KCNJ6: variants seen among roughly 807,000 people sequenced by gnomAD.
KCNJ6 encodes potassium inwardly rectifying channel subfamily J member 6.
In KCNJ6, 9 loss-of-function variants were observed where a neutral mutation model predicts 34.2. The ratio of observed to expected loss-of-function variants is 0.26; its 90% CI spans 0.16 to 0.46. The LOEUF is 0.46. Ranked by LOEUF, KCNJ6 falls within the 20% of genes least tolerant of loss-of-function variation. The probability of loss-of-function intolerance (pLI) is 1.00; values close to 1 mark genes in which losing one functional copy is unlikely to be tolerated. For missense variants in KCNJ6, 236 were observed against 531.3 expected (o/e 0.44, Z 5.46); for synonymous variants, 196 against 207.1 (o/e 0.95, Z 0.46).
chr21:37,905,071 A>G (rs1230698022), intron 1 of KCNJ6, among the ~76,000 whole-genome samples: 2 of 152,212 alleles, frequency 1.3e-5, no homozygotes, highest in Admixed American at 6.5e-5. Flanking sequence ...TGGCCCATGC[A>G]GTGTGGTGTG....
intron 1 of KCNJ6, among the ~76,000 whole-genome samples, chr21:37,914,932 C>A (rs1422384169): frequency 1.4e-5 from 2 of 146,962 alleles, no homozygotes; most frequent in South Asian, 2.2e-4. Context: ...TTTTTTTTCT[C>A]TTCCTTTTTT....
rs73904424 is a variant in KCNJ6, at chr21:37,736,130, C to G, written c.26-20999G>C. Among the ~76,000 whole-genome samples the G allele has an allele frequency of 1.7e-3, 264 of 152,258 alleles. 1 individual carries two copies. Among genetic ancestry groups the G allele is most frequent in the African/African-American group, 6.0e-3 (250 of 41,544 alleles). On this transcript the variant is annotated intron_variant, in intron 2 of 3. Transcript: ENST00000609713. ...ATGGCTCAAGCACAGGCTTGGAGCC[C>G]CATCTCTGCCATTTTGGTCCCATAA... is the stretch of plus-strand genomic sequence containing the variant.
chr21:37,718,805 TAAAGTA>T (rs1244472253), intron 2 of KCNJ6, among the ~76,000 whole-genome samples: 3 of 151,928 alleles, frequency 2.0e-5, no homozygotes, highest in East Asian at 1.9e-4. Flanking sequence ...CCCTAGAACT[TAAAGTA>T]TAATAATAAA....
chr21:37,777,892 C>T (rs899886958), intron 2 of KCNJ6, among the ~76,000 whole-genome samples: 2 of 152,142 alleles, frequency 1.3e-5, no homozygotes, highest in African/African-American at 4.8e-5. Context: ...GAGCTGGGAA[C>T]ATCACTCTTG....
chr21:37,635,294 C>A (rs936221523), intron 3 of KCNJ6, among the ~76,000 whole-genome samples: 1 of 152,044 alleles, frequency 6.6e-6, no homozygotes, highest in Non-Finnish European at 1.5e-5. Flanking sequence ...TCTGGGCTTA[C>A]TGCAACCTCC....
At chr21:37,654,683 T>G (rs967686383) in intron 3 of KCNJ6, among the ~76,000 whole-genome samples, 1 of 152,162 alleles carries the variant, frequency 6.6e-6, no homozygotes, top group Admixed American at 6.6e-5. Context: ...TCTTGCTACT[T>G]CCATTTCACT....
chr21:37,801,787 C>T (rs1415136900), intron 2 of KCNJ6, among the ~76,000 whole-genome samples: 1 of 152,068 alleles, frequency 6.6e-6, no homozygotes, highest in African/African-American at 2.4e-5. Context: ...TTTCCCGACT[C>T]AGAGGACTGT....
At chr21:37,901,405 A>AT (rs5843878) in intron 1 of KCNJ6, among the ~76,000 whole-genome samples, 152,290 of 152,290 alleles carry the variant, frequency 1, 76,145 homozygotes, top group Non-Finnish European at 1. Context: ...GAAAAGTGCC[A>AT]GTGTATGGAA....
intron 3 of KCNJ6, among the ~76,000 whole-genome samples, chr21:37,681,747 T>C (rs2054591610): frequency 6.7e-6 from 1 of 150,196 alleles, no homozygotes; most frequent in African/African-American, 2.5e-5. Context: ...AATTTGCTAG[T>C]GACTCAACCA....
At chr21:37,679,076 G>A (rs1022827858) in intron 3 of KCNJ6, among the ~76,000 whole-genome samples, 1 of 152,160 alleles carries the variant, frequency 6.6e-6, no homozygotes, top group Non-Finnish European at 1.5e-5. Flanking sequence ...ATGTTGTGAG[G>A]ACACCAAGCA....
intron 2 of KCNJ6, among the ~76,000 whole-genome samples, chr21:37,803,562 G>A (rs16995509): frequency 0.011 from 1,691 of 152,226 alleles, 39 homozygotes; most frequent in African/African-American, 0.039. Context: ...TTTCACCGTA[G>A]GAATTTGCTT....
At chr21:37,725,395 A>C (rs2054849150) in intron 2 of KCNJ6, among the ~76,000 whole-genome samples, 1 of 152,246 alleles carries the variant, frequency 6.6e-6, no homozygotes, top group Admixed American at 6.5e-5. Flanking sequence ...TCTGTCTTAA[A>C]AAAAGTAGCT....
chr21:37,845,781 C>A (rs1427699808), intron 1 of KCNJ6, among the ~76,000 whole-genome samples: 5 of 152,170 alleles, frequency 3.3e-5, no homozygotes. Context: ...GCCAGCCCCT[C>A]AGGGAACTAC....
chr21:37,781,821 G>T (rs1277205999), intron 2 of KCNJ6, among the ~76,000 whole-genome samples: 1 of 152,060 alleles, frequency 6.6e-6, no homozygotes, highest in Non-Finnish European at 1.5e-5. Context: ...TCAAAGCCCG[G>T]TATTGTCACA....
At chr21:37,909,060 T>C (rs900146464) in intron 1 of KCNJ6, among the ~76,000 whole-genome samples, 2 of 152,140 alleles carry the variant, frequency 1.3e-5, no homozygotes, top group Non-Finnish European at 2.9e-5. Flanking sequence ...AATCATCTAC[T>C]CTCCCTCTTT....
chr21:37,833,683 T>C (rs1461897031), intron 2 of KCNJ6, among the ~76,000 whole-genome samples: 6 of 152,156 alleles, frequency 3.9e-5, no homozygotes, highest in African/African-American at 1.4e-4. Flanking sequence ...TGCATATGCA[T>C]GTACATTCAG....
intron 3 of KCNJ6, among the ~76,000 whole-genome samples, chr21:37,643,328 C>G (rs562971223): frequency 6.6e-6 from 1 of 152,160 alleles, no homozygotes; most frequent in South Asian, 2.1e-4. Context: ...AAACCAGGAG[C>G]TCAGGGAAGC....
intron 3 of KCNJ6, among the ~76,000 whole-genome samples, chr21:37,632,035 G>A (rs1025600063): frequency 2.0e-5 from 3 of 152,064 alleles, no homozygotes; most frequent in Non-Finnish European, 2.9e-5. Context: ...CAGCAGCCCA[G>A]GTGGCTCAAA....
chr21:37,774,753 T>G (rs2055134106), intron 2 of KCNJ6, among the ~76,000 whole-genome samples: 1 of 152,238 alleles, frequency 6.6e-6, no homozygotes, highest in African/African-American at 2.4e-5. Flanking sequence ...CTATCATTGA[T>G]GGACATTTGG....
Sources: allele counts gnomAD v4.1 joint callset (sites outside exome capture counted in the v4.1 genomes callset), GRCh38; gene constraint gnomAD v4.1.1; transcripts MANE v1.5; gene names NCBI Gene and HGNC (gene_info 2026-07-23, HGNC 2026-07-21).